ABCA4: variants seen among roughly 807,000 people sequenced by gnomAD.
ABCA4 encodes retinal-specific phospholipid-transporting ATPase ABCA4.
A neutral mutation model predicts 263.7 loss-of-function variants in ABCA4; 196 were observed. The ratio of observed to expected loss-of-function variants is 0.74; its 90% CI spans 0.66 to 0.84. The LOEUF is 0.84. Ranked by LOEUF, ABCA4 falls within the 40% of genes least tolerant of loss-of-function variation. The pLI is 0.00. For synonymous variants in ABCA4, 1,133 were observed against 1,094.2 expected, an observed-to-expected ratio of 1.04 and a Z score of -0.70; for missense variants, 2,792 against 2,855.1, an observed-to-expected ratio of 0.98 and a Z score of 0.50.
At position 94,029,516 on chromosome 1, in the gene ABCA4, A is replaced by G. The variant is rs61750148; in HGVS notation, c.4468T>C (p.Cys1490Arg). ...TQVNPSPSCR[C>R]STREKLTMLP... is the part of the protein sequence containing the mutation. ...ATGGTGAGCTTCTCCCTGGTGCTGC[A>G]CCTGCAGGATGGTGAAGGGTTGACC... The change falls in exon 30 of 50, where the codon TGC (cysteine) becomes CGC (arginine). Residue 1490 changes from cysteine to arginine, a missense_variant. By Grantham distance (180) the Cys-to-Arg change is radical. Transcript: ENST00000370225. 1 of 1,607,140 alleles carries G rather than the reference A, an allele frequency of 6.2e-7. No individual in the cohort carries two copies. The highest frequency in any genetic ancestry group is 8.5e-7 in the Non-Finnish European group (1 of 1,176,472).
At chr1:94,012,774 G>A (rs745661441) in intron 38 of ABCA4, among the ~76,000 whole-genome samples, 15 of 152,156 alleles carry the variant, frequency 9.9e-5, no homozygotes, top group Non-Finnish European at 1.8e-4. Context: ...GGCTTATATC[G>A]TTGCAAACTT....
chr1:94,117,227 C>T (rs1662815996), intron 1 of ABCA4, among the ~76,000 whole-genome samples: 1 of 152,056 alleles, frequency 6.6e-6, no homozygotes, highest in Admixed American at 6.5e-5. Context: ...TTCAATTTAA[C>T]AGAAGGCAGC....
rs575151336 is a variant in ABCA4 at position 94,088,746 on chromosome 1, T to G, written c.769-5305A>C. ...CCAAGGGACATCTGAAAGGCTACTT[T>G]AGGAGGAAGCTGGCATCAAAGACTG... is the stretch of plus-strand genomic sequence containing the variant. On this transcript the variant is annotated intron_variant, in intron 6 of 49. Transcript: ENST00000370225. Among the ~76,000 whole-genome samples, 3 of 152,262 alleles carry G rather than the reference T, an allele frequency of 2.0e-5. No homozygotes were observed. In the East Asian group the frequency reaches 5.8e-4, roughly 29 times the overall value.
intron 26 of ABCA4, among the ~76,000 whole-genome samples, chr1:94,035,543 G>A (rs893100865): frequency 6.6e-6 from 1 of 152,152 alleles, no homozygotes; most frequent in Non-Finnish European, 1.5e-5. Context: ...GAAGAAAGAT[G>A]AAAACCAAGT....
chr1:94,093,791 TTTC>T (rs1171095613), intron 6 of ABCA4, among the ~76,000 whole-genome samples: 1 of 152,240 alleles, frequency 6.6e-6, no homozygotes, highest in East Asian at 1.9e-4. Flanking sequence ...TTCATTTTTA[TTTC>T]TTCTTTGTTG....
chr1:94,031,489 CA>C (rs1385208046), intron 27 of ABCA4, among the ~76,000 whole-genome samples: 11 of 152,096 alleles, frequency 7.2e-5, no homozygotes, highest in Non-Finnish European at 2.9e-5. Flanking sequence ...AGGGTCACTG[CA>C]AAAATGAATG....
Position 94,021,357 on chromosome 1 carries a change from G to A in ABCA4, c.4901C>T (p.Ala1634Val), listed in dbSNP as rs1422814365. The A allele has an allele frequency of 2.5e-6, 4 of 1,614,194 alleles. No homozygotes were observed. Among genetic ancestry groups the A allele is most frequent in the Non-Finnish European group, 3.4e-6 (4 of 1,180,038 alleles). ...GCTGGCCCGTAAGATGGCGTTGTGG[G>A]CCACATTGAGAAAGCTGACCAGGGC... Reference protein sequence around the residue: ...WHALVSFLNVAHNAILRASLP... With the variant: ...WHALVSFLNVVHNAILRASLP... Residue 1634 changes from alanine (A) to valine (V), a missense_variant, in exon 35 of 50, where the codon GCC (alanine) becomes GTC (valine). Physicochemically the swap from Ala to Val is moderately conservative, Grantham distance 64 (BLOSUM62 0). Transcript: ENST00000370225.
intron 37 of ABCA4, among the ~76,000 whole-genome samples, chr1:94,015,506 T>A (rs1353152447): frequency 6.6e-6 from 1 of 152,148 alleles, no homozygotes; most frequent in African/African-American, 2.4e-5. Flanking sequence ...ATGTGGGACT[T>A]CTCTCATTGT....
chr1:94,091,222 T>C (rs1661957532), intron 6 of ABCA4, among the ~76,000 whole-genome samples: 1 of 152,220 alleles, frequency 6.6e-6, no homozygotes, highest in Non-Finnish European at 1.5e-5. Flanking sequence ...AAATAGTTAC[T>C]AAGCTCCAGT....
rs61750138 is a variant in ABCA4 at position 94,030,991 on chromosome 1, C to T, written c.4253+5G>A. ...GAGGAGAATGGTGACCCCGAGTCCG[C>T]GCACCTGAAGAAGGTGTACTGCTGC... is the stretch of plus-strand genomic sequence containing the variant. On this transcript the variant is annotated splice_donor_5th_base_variant and intron_variant, in intron 28 of 49. Coordinates refer to ENST00000370225, the MANE Select transcript of ABCA4 (RefSeq NM_000350.3). 7.4e-6 allele frequency: 12 copies of T among 1,613,796 alleles called. No homozygotes were observed. Among genetic ancestry groups the T allele is most frequent in the South Asian group, 6.6e-5 (6 of 91,072 alleles).
Position 94,031,073 on chromosome 1 carries a change from A to G in ABCA4, c.4176T>C (p.Ile1392=), listed in dbSNP as rs2101035885. ...GGTATTCGCCAAAAGGAGGGATAAC[A>G]ATAGAAAGCATCAGAGCCAAAAACA... ...TFVFLALMLS[I]VIPPFGEYPA... Residue 1392 remains isoleucine, a synonymous_variant, in exon 28 of 50, where the codon ATT becomes ATC. Coordinates refer to ENST00000370225, the MANE Select transcript of ABCA4 (RefSeq NM_000350.3). 6.2e-7 allele frequency: 1 copy of G among 1,614,158 alleles called. No individual in the cohort carries two copies. Among genetic ancestry groups the G allele is most frequent in the Non-Finnish European group, 8.5e-7 (1 of 1,180,022 alleles).
Position 94,055,475 on chromosome 1 carries a change from C to T in ABCA4, c.2383-160G>A, listed in dbSNP as rs759459112. ...AGGGTGAAGGCAGTCTTTCCCTTGACGGCCAGGGGGAGTTCAGAGTGTCTC... is the reference window on the plus strand; with the variant it reads ...AGGGTGAAGGCAGTCTTTCCCTTGATGGCCAGGGGGAGTTCAGAGTGTCTC... On this transcript the variant is annotated intron_variant, in intron 15 of 49. Coordinates refer to ENST00000370225, the MANE Select transcript of ABCA4 (RefSeq NM_000350.3). 7.2e-4 allele frequency among the ~76,000 whole-genome samples: 110 copies of T among 152,156 alleles called. 2 individuals are homozygous for T. The highest frequency in any genetic ancestry group is 5.1e-4 in the Non-Finnish European group (35 of 68,038).
chr1:94,044,787 C>A (rs1396570026), intron 19 of ABCA4, 43 bp from the exon 20 acceptor site: 13 of 1,614,012 alleles, frequency 8.1e-6, no homozygotes, highest in African/African-American at 1.3e-5. Flanking sequence ...TGGCCTTTAG[C>A]AACATGCCTT....
chr1:94,084,971 AT>A (rs1188057036), intron 6 of ABCA4, among the ~76,000 whole-genome samples: 3 of 152,310 alleles, frequency 2.0e-5, no homozygotes, highest in African/African-American at 7.2e-5. Context: ...CCCTGAGATT[AT>A]TAGAGATGAA....
At chr1:94,051,047 T>C (rs1259783820) in intron 17 of ABCA4, among the ~76,000 whole-genome samples, 1 of 152,226 alleles carries the variant, frequency 6.6e-6, no homozygotes, top group African/African-American at 2.4e-5. Context: ...GGTTCAGTAG[T>C]AAAGGTGCCT....
chr1:94,025,055 C>T lies in ABCA4; in HGVS notation c.4540-7G>A. 6.2e-7 allele frequency: 1 copy of T among 1,612,354 alleles called. No individual in the cohort carries two copies. Among genetic ancestry groups the T allele is most frequent in the Non-Finnish European group, 8.5e-7 (1 of 1,178,342 alleles). On this transcript the variant is annotated splice_region_variant and splice_polypyrimidine_tract_variant and intron_variant, in intron 30 of 49. Coordinates refer to ENST00000370225, the MANE Select transcript of ABCA4 (RefSeq NM_000350.3). ...CCGTGCTGCGCTGTGTTCTCTGAGGCAATGAGACACCCACGTTAATTACCT... is the reference window on the plus strand; with the variant it reads ...CCGTGCTGCGCTGTGTTCTCTGAGGTAATGAGACACCCACGTTAATTACCT...
chr1:94,030,056 T>C (rs1660153073), intron 29 of ABCA4, among the ~76,000 whole-genome samples: 1 of 152,190 alleles, frequency 6.6e-6, no homozygotes, highest in African/African-American at 2.4e-5. Context: ...CTCACAACTA[T>C]CACAAAGTAC....
chr1:94,002,741 G>A (rs956717364), intron 44 of ABCA4, among the ~76,000 whole-genome samples: 2 of 152,140 alleles, frequency 1.3e-5, no homozygotes, highest in Non-Finnish European at 2.9e-5. Context: ...CTCCTCTGCA[G>A]GCTCTCCCTG....
chr1:94,048,756 T>G lies in ABCA4; in HGVS notation c.2743+112A>C, dbSNP rs1473207516. The G allele has an allele frequency of 3.0e-6, 3 of 999,400 alleles. No individual in the cohort carries two copies. In the Admixed American group the frequency reaches 5.7e-5, roughly 19 times the overall value. 61.9% of individuals were successfully genotyped at this position (999,400 alleles called of 1,614,324 possible). A position where few individuals can be genotyped will look rare whatever the true frequency, so the allele number is the denominator to read the frequency against. ...GTTTAACACTTGTCCACAGAGAGAG[T>G]CAGTTTCCTAGGCTTCTTTCCACCC... On this transcript the variant is annotated intron_variant, in intron 18 of 49. Transcript: ENST00000370225.
Sources: gnomAD v4.1 joint callset for allele counts (sites outside exome capture counted in the v4.1 genomes callset) on GRCh38, gnomAD v4.1.1 for gene constraint, MANE v1.5 for transcripts, NCBI Gene and HGNC (gene_info 2026-07-23, HGNC 2026-07-21) for gene names.